IPO5: variants seen among roughly 807,000 people sequenced by gnomAD.
IPO5 encodes importin-5.
In IPO5, 18 loss-of-function variants were observed where a neutral mutation model predicts 143.3. The ratio of observed to expected loss-of-function variants is 0.13; its 90% CI spans 0.09 to 0.19. The LOEUF (loss-of-function observed/expected upper bound fraction) is 0.19, where lower values mean the gene tolerates loss of function less well. Among genes scored for constraint, IPO5 ranks in the 10% least tolerant of loss-of-function variants. The probability of loss-of-function intolerance (pLI) is 1.00; values close to 1 mark genes in which losing one functional copy is unlikely to be tolerated. For missense variants in IPO5, 1,013 were observed against 1,336.9 expected (o/e 0.76, Z 3.78); for synonymous variants, 477 against 465.7 (o/e 1.02, Z -0.31).
Position 97,981,384 on chromosome 13 carries a change from A to G in IPO5, c.91-1119A>G, listed in dbSNP as rs72651162. 6.5e-3 allele frequency: 2,551 copies of G among 392,082 alleles called. 19 individuals carry two copies. The highest frequency in any genetic ancestry group is 8.7e-3 in the Non-Finnish European group (1,770 of 202,438). 24.3% of individuals were successfully genotyped at this position (392,082 alleles called of 1,614,324 possible). On this transcript the variant is annotated intron_variant, in intron 4 of 28. Transcript: ENST00000651721. ...AGGACCAGAGTTCTGTCTGCTATTC[A>G]TTGTCTATGATCTTAGGCAAGTCAT... is the stretch of plus-strand genomic sequence containing the variant.
At chr13:97,993,042 T>C (rs1013364843) in intron 10 of IPO5, 28 bp downstream of exon 10, 1 of 1,611,324 alleles carries the variant, frequency 6.2e-7, no homozygotes, top group Non-Finnish European at 8.5e-7. Flanking sequence ...GTAAACGTTC[T>C]GTTTGTTATT....
At chr13:97,964,332 A>C (rs1317842888) in intron 2 of IPO5, among the ~76,000 whole-genome samples, 1 of 151,510 alleles carries the variant, frequency 6.6e-6, no homozygotes, top group Non-Finnish European at 1.5e-5. Flanking sequence ...TTTAAGTTTT[A>C]CATTTAAGTC....
At chr13:98,004,253 G>T (rs563211890) in intron 16 of IPO5, among the ~76,000 whole-genome samples, 20 of 152,342 alleles carry the variant, frequency 1.3e-4, no homozygotes, top group East Asian at 5.8e-4. Context: ...ACCACAGTTT[G>T]CATAGCACTG....
chr13:98,010,054 C>G (rs759033182), intron 19 of IPO5, 41 bp downstream of exon 19: 5 of 1,613,394 alleles, frequency 3.1e-6, no homozygotes, highest in Middle Eastern at 3.3e-4. Flanking sequence ...TAATAGTTCT[C>G]TCTTTGTTAT....
chr13:98,013,219 C>A (rs1889857605), intron 21 of IPO5, among the ~76,000 whole-genome samples: 1 of 152,112 alleles, frequency 6.6e-6, no homozygotes, highest in Non-Finnish European at 1.5e-5. Context: ...CCATGCCCAG[C>A]TAATTTTTTG....
intron 4 of IPO5, chr13:97,980,030 CTT>C (rs1886709191): frequency 2.2e-6 from 1 of 445,574 alleles, no homozygotes; most frequent in Non-Finnish European, 4.5e-6. Flanking sequence ...GAGGAGAAGT[CTT>C]TGCATTGTGT....
intron 3 of IPO5, among the ~76,000 whole-genome samples, chr13:97,974,257 C>G (rs1402611498): frequency 6.6e-6 from 1 of 151,884 alleles, no homozygotes; most frequent in African/African-American, 2.4e-5. Context: ...AGCAATTTAT[C>G]ATATTTCACT....
chr13:97,976,634 G>C, intron 3 of IPO5, 59 bp from the exon 4 acceptor site: 2 of 680,494 alleles, frequency 2.9e-6, no homozygotes, highest in Non-Finnish European at 2.1e-6. Context: ...CCCCTCCCGC[G>C]GCCCGCGAGC....
At position 98,019,925 on chromosome 13, in the gene IPO5, G is replaced by A. The variant is rs1361751622; in HGVS notation, c.3065+116G>A. ...CATGATCTCTGCACAGTCCTCAGTTGTATAGGTTTATAATAGTGCTGTCTT... is the reference window on the plus strand; with the variant it reads ...CATGATCTCTGCACAGTCCTCAGTTATATAGGTTTATAATAGTGCTGTCTT... On this transcript the variant is annotated intron_variant, in intron 27 of 28. Coordinates refer to ENST00000651721, the MANE Select transcript of IPO5 (RefSeq NM_002271.6). 7.6e-6 allele frequency: 5 copies of A among 657,714 alleles called. No individual in the cohort carries two copies. The East Asian group carries it at 1.1e-4, about 14-fold the overall frequency. The allele number at this position is 657,714 out of a possible 1,614,324, so 40.7% of individuals were successfully genotyped here.
At chr13:98,014,935 A>G (rs889291280) in intron 22 of IPO5, among the ~76,000 whole-genome samples, 6 of 146,600 alleles carry the variant, frequency 4.1e-5, no homozygotes, top group African/African-American at 1.3e-4. Flanking sequence ...CTCTCAGTTC[A>G]TTCTCCTTTC....
intron 3 of IPO5, chr13:97,976,375 C>T (rs1327888835): frequency 6.6e-6 from 1 of 151,972 alleles, no homozygotes; most frequent in East Asian, 2.0e-4. Flanking sequence ...CCGGCGGCCC[C>T]CGATGCGCGG....
At position 97,992,814 on chromosome 13, in the gene IPO5, G is replaced by A. The variant is rs1887911934; in HGVS notation, c.670-78G>A. Reference sequence around the variant, plus strand: ...GTTTAGTAATATTTCTCTATTGTCAGCATCTTAGGAATCTTTTGGCTAATG... The same window carrying A: ...GTTTAGTAATATTTCTCTATTGTCAACATCTTAGGAATCTTTTGGCTAATG... On this transcript the variant is annotated intron_variant, in intron 9 of 28. Transcript: ENST00000651721. The A allele has an allele frequency of 2.2e-6, 3 of 1,380,776 alleles. No individual in the cohort carries two copies. In the East Asian group the frequency reaches 7.0e-5, roughly 32 times the overall value. The allele number at this position is 1,380,776 out of a possible 1,614,324, so 85.5% of individuals were successfully genotyped here.
chr13:98,020,127 G>T (rs580212), intron 27 of IPO5, among the ~76,000 whole-genome samples: 95,676 of 151,924 alleles, frequency 0.63, 31,677 homozygotes, highest in African/African-American at 0.86. Flanking sequence ...CAGGCAGGTC[G>T]CAAACTCTTG....
At chr13:98,016,144 G>A (rs913898471) in intron 24 of IPO5, among the ~76,000 whole-genome samples, 5 of 152,126 alleles carry the variant, frequency 3.3e-5, no homozygotes, top group African/African-American at 1.2e-4. Context: ...ACTGTTGACG[G>A]TCTGGGGCCT....
chr13:97,971,637 C>G (rs527525566), intron 3 of IPO5, among the ~76,000 whole-genome samples: 9 of 152,110 alleles, frequency 5.9e-5, no homozygotes, highest in Admixed American at 2.0e-4. Context: ...TATGCATCAG[C>G]TGCAGCCTTA....
intron 11 of IPO5, among the ~76,000 whole-genome samples, chr13:97,996,634 G>A (rs1360538570): frequency 2.0e-5 from 3 of 151,986 alleles, no homozygotes; most frequent in East Asian, 1.9e-4. Flanking sequence ...ACAGAGTCTC[G>A]CTCTGTCGTC....
At chr13:97,974,683 C>A (rs200618864) in intron 3 of IPO5, among the ~76,000 whole-genome samples, 67 of 136,562 alleles carry the variant, frequency 4.9e-4, no homozygotes, top group African/African-American at 6.1e-4. Context: ...CAACGACCCA[C>A]AAAAAAAAAA....
rs1239973488 is a variant in IPO5, at chr13:98,021,757, G to C, written c.3229G>C (p.Glu1077Gln). The C allele has an allele frequency of 1.3e-6, 2 of 1,571,416 alleles. No individual in the cohort carries two copies. The highest frequency in any genetic ancestry group is 2.3e-5 in the East Asian group (1 of 44,272). ...CTAGACTTCTGGAGGACTGTGGACT[G>C]AGTGCATAGCACAGCTCAGTCCTGA... ...QVQTSGGLWT[E>Q]CIAQLSPEQQ... Residue 1077 changes from glutamate (E) to glutamine (Q), a missense_variant, in exon 29 of 29, where the codon GAG (glutamate) becomes CAG (glutamine). Physicochemically the swap from Glu to Gln is conservative, Grantham distance 29. This residue lies in a region of IPO5 where 685 missense variants were observed against 994.9 expected (regional missense o/e 0.69). Transcript: ENST00000651721.
intron 10 of IPO5, 27 bp downstream of exon 10, chr13:97,993,041 C>CT: frequency 6.2e-7 from 1 of 1,611,318 alleles, no homozygotes; most frequent in Non-Finnish European, 8.5e-7. Flanking sequence ...AGTAAACGTT[C>CT]TGTTTGTTAT....
Sources: gnomAD v4.1 joint callset for allele counts (sites outside exome capture counted in the v4.1 genomes callset) on GRCh38, gnomAD v4.1.1 for gene constraint, gnomAD v4.1.1 regional missense constraint, MANE v1.5 for transcripts, NCBI Gene and HGNC (gene_info 2026-07-23, HGNC 2026-07-21) for gene names.